The following PTPRD variants were observed in gnomAD, a reference collection of about 807,000 sequenced individuals.
The protein encoded by PTPRD is receptor-type tyrosine-protein phosphatase delta.
In PTPRD, 34 loss-of-function variants were observed where a neutral mutation model predicts 214.5. The ratio of observed to expected loss-of-function variants is 0.16; its 90% CI spans 0.12 to 0.21. The LOEUF (loss-of-function observed/expected upper bound fraction) is 0.21, where lower values mean the gene tolerates loss of function less well. Among genes scored for constraint, PTPRD ranks in the 10% least tolerant of loss-of-function variants. The pLI, the probability that PTPRD is intolerant of heterozygous loss-of-function variation, is 1.00. For missense variants in PTPRD, 2,545 were observed against 2,398.7 expected (o/e 1.06, Z -1.27); for synonymous variants, 1,128 against 845.7 (o/e 1.33, Z -5.79).
At chr9:10,304,251 C>A (rs145733802) in intron 3 of PTPRD, among the ~76,000 whole-genome samples, 30 of 152,150 alleles carry the variant, frequency 2.0e-4, no homozygotes, top group African/African-American at 7.2e-4. Flanking sequence ...TAGGTACTGA[C>A]GGAATGTATC....
intron 11 of PTPRD, among the ~76,000 whole-genome samples, chr9:8,816,667 T>C (rs1429129849): frequency 6.6e-6 from 1 of 152,172 alleles, no homozygotes; most frequent in Non-Finnish European, 1.5e-5. Flanking sequence ...TGTTACCCTG[T>C]TAGAGATGGA....
At chr9:10,545,344 T>C (rs946853386) in intron 2 of PTPRD, among the ~76,000 whole-genome samples, 2 of 152,182 alleles carry the variant, frequency 1.3e-5, no homozygotes, top group Admixed American at 6.6e-5. Flanking sequence ...GCTGTATTGT[T>C]AGATATATAG....
intron 3 of PTPRD, among the ~76,000 whole-genome samples, chr9:10,301,945 G>C (rs2095873550): frequency 6.6e-6 from 1 of 152,100 alleles, no homozygotes; most frequent in Non-Finnish European, 1.5e-5. Flanking sequence ...TCCTTGAGAA[G>C]AGCAACCCCA....
At chr9:9,024,352 G>GTTTTTTTTTTTTTTT (rs397944358) in intron 10 of PTPRD, among the ~76,000 whole-genome samples, 5 of 140,044 alleles carry the variant, frequency 3.6e-5, no homozygotes, top group Non-Finnish European at 6.1e-5. Flanking sequence ...TTTTTTGTTT[G>GTTTTTTTTTTTTTTT]TTTTTTTTTT....
chr9:8,942,676 G>T (rs1054257707), intron 11 of PTPRD, among the ~76,000 whole-genome samples: 6 of 151,636 alleles, frequency 4.0e-5, no homozygotes, highest in Non-Finnish European at 8.8e-5. Flanking sequence ...TTTTTTGAAA[G>T]GGAAGAAAAA....
intron 2 of PTPRD, among the ~76,000 whole-genome samples, chr9:10,397,304 C>T (rs767764306): frequency 5.9e-5 from 9 of 151,970 alleles, no homozygotes; most frequent in Admixed American, 2.0e-4. Flanking sequence ...ATGGTACATC[C>T]GTCAGACATT....
intron 5 of PTPRD, among the ~76,000 whole-genome samples, chr9:9,904,832 C>T (rs771073117): frequency 1.3e-5 from 2 of 151,980 alleles, no homozygotes; most frequent in Admixed American, 6.6e-5. Context: ...CAAGATCAAA[C>T]TCAGAGAAAT....
chr9:9,174,104 A>G (rs776851533), intron 10 of PTPRD, among the ~76,000 whole-genome samples: 1 of 152,160 alleles, frequency 6.6e-6, no homozygotes, highest in Non-Finnish European at 1.5e-5. Context: ...TGAACTATAA[A>G]ACAGAAATAT....
At chr9:10,034,095 A>G (rs1246956999) in intron 3 of PTPRD, among the ~76,000 whole-genome samples, 1 of 152,110 alleles carries the variant, frequency 6.6e-6, no homozygotes, top group African/African-American at 2.4e-5. Flanking sequence ...CTATTTCACT[A>G]CTAATGTCAT....
intron 11 of PTPRD, among the ~76,000 whole-genome samples, chr9:8,999,037 G>C (rs2099407654): frequency 6.6e-6 from 1 of 152,060 alleles, no homozygotes; most frequent in Non-Finnish European, 1.5e-5. Context: ...CATGAGCCAA[G>C]AAAATGATTG....
chr9:10,148,551 T>C (rs12553942), intron 3 of PTPRD, among the ~76,000 whole-genome samples: 8,155 of 152,282 alleles, frequency 0.054, 309 homozygotes, highest in Admixed American at 0.11. Flanking sequence ...GCAAATACTA[T>C]GGAATACTGA....
intron 2 of PTPRD, among the ~76,000 whole-genome samples, chr9:10,601,934 G>T (rs1189114526): frequency 6.6e-6 from 1 of 151,746 alleles, no homozygotes; most frequent in Non-Finnish European, 1.5e-5. Context: ...GAAGAAAGGA[G>T]CTGTCTCATA....
At chr9:10,321,653 T>G (rs2096554848) in intron 3 of PTPRD, among the ~76,000 whole-genome samples, 1 of 151,994 alleles carries the variant, frequency 6.6e-6, no homozygotes, top group Admixed American at 6.6e-5. Context: ...TAAAACAAAA[T>G]CAACTCTTTT....
chr9:9,102,153 T>C (rs1047644787), intron 10 of PTPRD, among the ~76,000 whole-genome samples: 1 of 152,224 alleles, frequency 6.6e-6, no homozygotes, highest in African/African-American at 2.4e-5. Context: ...CCAGAGATTT[T>C]ATTTCATATG....
In PTPRD at chr9:9,396,347, A is replaced by G. The variant is rs533792345; in HGVS notation, c.-203+1102T>C. On this transcript the variant is annotated intron_variant, in intron 9 of 45. Transcript: ENST00000381196. ...ACCACCTAGGAACTAATAGAAATGC[A>G]TATTATTGGGCCTTACTTCAGCTCA... is the stretch of plus-strand genomic sequence containing the variant. Among the ~76,000 whole-genome samples the G allele has an allele frequency of 3.4e-4, 51 of 152,174 alleles. No homozygotes were observed. In the South Asian group the frequency reaches 0.01, roughly 31 times the overall value.
intron 11 of PTPRD, among the ~76,000 whole-genome samples, chr9:8,850,018 C>G (rs2097781087): frequency 6.6e-6 from 1 of 152,078 alleles, no homozygotes; most frequent in Non-Finnish European, 1.5e-5. Context: ...ACAAAATTGC[C>G]TGAGGATAAG....
chr9:8,607,248 A>G (rs745427706), intron 14 of PTPRD, among the ~76,000 whole-genome samples: 6 of 152,230 alleles, frequency 3.9e-5, no homozygotes, highest in Non-Finnish European at 8.8e-5. Context: ...GTCATTCCAC[A>G]GTGTATATAT....
At chr9:10,037,748 A>T (rs1455031748) in intron 3 of PTPRD, among the ~76,000 whole-genome samples, 1 of 152,166 alleles carries the variant, frequency 6.6e-6, no homozygotes, top group African/African-American at 2.4e-5. Context: ...ACATGCAAAA[A>T]GACGTTTTGT....
intron 2 of PTPRD, among the ~76,000 whole-genome samples, chr9:10,341,867 T>C (rs1238043441): frequency 6.6e-6 from 1 of 151,168 alleles, no homozygotes; most frequent in Non-Finnish European, 1.5e-5. Flanking sequence ...TAGTTCCATA[T>C]GTATTGTTAA....
Sources: allele counts gnomAD v4.1 joint callset (sites outside exome capture counted in the v4.1 genomes callset), GRCh38; gene constraint gnomAD v4.1.1; transcripts MANE v1.5; gene names NCBI Gene and HGNC (gene_info 2026-07-23, HGNC 2026-07-21).